Variants in YEATS2 observed in about 807,000 individuals in gnomAD.
YEATS2 encodes the protein YEATS domain-containing protein 2.
A neutral mutation model predicts 163.2 loss-of-function variants in YEATS2; 77 were observed. The observed-to-expected ratio is 0.47, with a 90% CI of 0.39 to 0.57. YEATS2 has a LOEUF of 0.57. Among genes scored for constraint, YEATS2 ranks in the 20% least tolerant of loss-of-function variants. YEATS2 has a pLI of 0.00. For synonymous variants in YEATS2, 631 were observed against 645.1 expected (o/e 0.98, Z 0.33); for missense variants, 1,549 against 1,729.8 (o/e 0.90, Z 1.85).
In YEATS2 at chr3:183,807,074, T is replaced by C. The variant is rs1340112383; in HGVS notation, c.3993T>C (p.Ile1331=). Residue 1331 remains isoleucine (I), a synonymous_variant, in exon 28 of 31, where the codon ATT becomes ATC. Transcript: ENST00000305135. ...YLPPTPGSEF[I]GDVTQKIGIT... ...CACCAACCCCAGGGTCTGAATTTAT[T>C]GGGGATGTCACACAGAAGGTAGGGG... 1 of 1,613,494 alleles carries C rather than the reference T, an allele frequency of 6.2e-7. No individual in the cohort carries two copies. The highest frequency in any genetic ancestry group is 8.5e-7 in the Non-Finnish European group (1 of 1,179,880).
intron 15 of YEATS2, among the ~76,000 whole-genome samples, chr3:183,771,064 G>A (rs1233763546): frequency 6.6e-6 from 1 of 152,152 alleles, no homozygotes; most frequent in Non-Finnish European, 1.5e-5. Context: ...CTACTATACG[G>A]GGGTATGTGA....
At chr3:183,773,215 GC>G (rs1201629610) in intron 16 of YEATS2, among the ~76,000 whole-genome samples, 1 of 152,144 alleles carries the variant, frequency 6.6e-6, no homozygotes, top group Non-Finnish European at 1.5e-5. Context: ...GCACACATTT[GC>G]CCTAACTTTG....
chr3:183,797,916 G>A lies in YEATS2; in HGVS notation c.3098-7G>A. ...TCAACTTGGCTTTATCTTCCAATTTGTTCTAGGACTGTTAAAGATTCACTC... is the reference window on the plus strand; with the variant it reads ...TCAACTTGGCTTTATCTTCCAATTTATTCTAGGACTGTTAAAGATTCACTC... On this transcript the variant is annotated splice_polypyrimidine_tract_variant and splice_region_variant and intron_variant, in intron 21 of 30. Coordinates refer to ENST00000305135, the MANE Select transcript of YEATS2 (RefSeq NM_018023.5). 1 of 1,613,850 alleles carries A rather than the reference G, an allele frequency of 6.2e-7. No homozygotes were observed. Among genetic ancestry groups the A allele is most frequent in the South Asian group, 1.1e-5 (1 of 91,076 alleles).
chr3:183,766,164 G>GT (rs1721883708), intron 15 of YEATS2, among the ~76,000 whole-genome samples: 1 of 152,332 alleles, frequency 6.6e-6, no homozygotes, highest in East Asian at 1.9e-4. Context: ...GAGCTTTGCA[G>GT]TTAGAGCTTG....
chr3:183,797,872 TTC>T (rs753994254), intron 21 of YEATS2, 49 bp from the exon 22 acceptor site: 52 of 1,610,072 alleles, frequency 3.2e-5, no homozygotes, highest in Non-Finnish European at 4.3e-5. Flanking sequence ...ATAAGAGACT[TTC>T]CCGAAGCACC....
chr3:183,790,340 A>T (rs920484223), intron 20 of YEATS2, among the ~76,000 whole-genome samples: 1 of 152,164 alleles, frequency 6.6e-6, no homozygotes, highest in African/African-American at 2.4e-5. Flanking sequence ...TCAGAGCCTT[A>T]GCACTTAACC....
At chr3:183,796,606 T>C (rs1725177451) in intron 21 of YEATS2, among the ~76,000 whole-genome samples, 2 of 150,016 alleles carry the variant, frequency 1.3e-5, no homozygotes, top group South Asian at 4.3e-4. Context: ...TGCGCATACA[T>C]TGGCACCAGA....
At position 183,809,183 on chromosome 3, in the gene YEATS2, C is replaced by G; in HGVS notation, c.4160+13C>G. ...CTTCTCACAACAGGTATTACTATCT[C>G]TGCAGTCTGTGGTGTGAGGCTTACA... On this transcript the variant is annotated intron_variant, in intron 30 of 30. Transcript: ENST00000305135. The G allele has an allele frequency of 6.2e-7, 1 of 1,613,758 alleles. No individual in the cohort carries two copies. The highest frequency in any genetic ancestry group is 8.5e-7 in the Non-Finnish European group (1 of 1,179,702).
At chr3:183,771,774 T>G (rs981157601) in intron 15 of YEATS2, among the ~76,000 whole-genome samples, 17 of 146,886 alleles carry the variant, frequency 1.2e-4, no homozygotes, top group Non-Finnish European at 2.5e-4. Flanking sequence ...TCACCCAGGC[T>G]GGAGTGCAGT....
intron 20 of YEATS2, among the ~76,000 whole-genome samples, chr3:183,789,521 G>GT: frequency 1.1e-5 from 1 of 91,930 alleles, no homozygotes; most frequent in African/African-American, 4.0e-5. Context: ...ATTCATTCGA[G>GT]TTAATTTTTT....
intron 1 of YEATS2, among the ~76,000 whole-genome samples, chr3:183,712,223 T>TG (rs1577037882): frequency 2.4e-4 from 36 of 150,266 alleles, no homozygotes; most frequent in African/African-American, 8.4e-4. Context: ...TTTTATTTTA[T>TG]TTTTTGAGAC....
At chr3:183,717,981 A>G (rs896875990) in intron 3 of YEATS2, among the ~76,000 whole-genome samples, 2 of 152,110 alleles carry the variant, frequency 1.3e-5, no homozygotes, top group African/African-American at 2.4e-5. Context: ...CAAAAAGATA[A>G]TCTTCTGATA....
At chr3:183,701,051 A>ACGTG (rs1553853673) in intron 1 of YEATS2, among the ~76,000 whole-genome samples, 6 of 147,424 alleles carry the variant, frequency 4.1e-5, no homozygotes, top group African/African-American at 1.5e-4. Context: ...GTATATATAT[A>ACGTG]TGTGTGTGTG....
chr3:183,739,405 T>G (rs1423965956), intron 8 of YEATS2, among the ~76,000 whole-genome samples: 1 of 116,066 alleles, frequency 8.6e-6, no homozygotes, highest in Non-Finnish European at 1.8e-5. Flanking sequence ...ACAAGGGATG[T>G]GAAGGACCTC....
intron 12 of YEATS2, among the ~76,000 whole-genome samples, chr3:183,757,857 A>G (rs532549748): frequency 2.6e-5 from 4 of 151,838 alleles, no homozygotes; most frequent in Non-Finnish European, 4.4e-5. Flanking sequence ...AGGCTTACCC[A>G]GTACCTTTCG....
chr3:183,711,966 C>T (rs79968391), intron 1 of YEATS2, among the ~76,000 whole-genome samples: 2,284 of 150,702 alleles, frequency 0.015, 71 homozygotes, highest in East Asian at 0.15. Context: ...ATTACAGGCT[C>T]ACATGACCAC....
chr3:183,792,006 G>C (rs1414708759), intron 21 of YEATS2, among the ~76,000 whole-genome samples: 2 of 152,160 alleles, frequency 1.3e-5, no homozygotes, highest in Non-Finnish European at 2.9e-5. Flanking sequence ...ATACTGTCTG[G>C]TGTGTAGTGG....
At chr3:183,768,599 G>A (rs75587623) in intron 15 of YEATS2, among the ~76,000 whole-genome samples, 1,675 of 152,020 alleles carry the variant, frequency 0.011, 34 homozygotes, top group African/African-American at 0.038. Context: ...AAGGGTTTCC[G>A]TATTTCCACA....
intron 15 of YEATS2, among the ~76,000 whole-genome samples, chr3:183,770,215 C>A (rs1372691323): frequency 6.6e-6 from 1 of 151,548 alleles, no homozygotes; most frequent in Non-Finnish European, 1.5e-5. Flanking sequence ...GGTGAAACCC[C>A]GTTTCTACTA....
Sources: gnomAD v4.1 joint callset for allele counts (sites outside exome capture counted in the v4.1 genomes callset) on GRCh38, gnomAD v4.1.1 for gene constraint, MANE v1.5 for transcripts, NCBI Gene and HGNC (gene_info 2026-07-23, HGNC 2026-07-21) for gene names.